TMEM132D: variants seen among roughly 807,000 people sequenced by gnomAD.
TMEM132D encodes the protein transmembrane protein 132D.
Under a neutral mutation model 62.3 loss-of-function variants are expected in TMEM132D, and 21 were observed. The ratio of observed to expected loss-of-function variants is 0.34; its 90% CI spans 0.24 to 0.49. The LOEUF is 0.49. Ranked by LOEUF, TMEM132D falls within the 20% of genes least tolerant of loss-of-function variation. The probability of loss-of-function intolerance (pLI) is 0.99; values close to 1 mark genes in which losing one functional copy is unlikely to be tolerated. For missense variants in TMEM132D, 1,346 were observed against 1,402.8 expected, an observed-to-expected ratio of 0.96 and a Z score of 0.65; for synonymous variants, 621 against 575.6, an observed-to-expected ratio of 1.08 and a Z score of -1.13.
At chr12:129,408,164 G>T (rs1871852969) in intron 3 of TMEM132D, among the ~76,000 whole-genome samples, 1 of 152,066 alleles carries the variant, frequency 6.6e-6, no homozygotes, top group African/African-American at 2.4e-5. Flanking sequence ...CACCAAACAG[G>T]AGTTTTTCTA....
At chr12:129,317,208 T>C (rs943570681) in intron 4 of TMEM132D, among the ~76,000 whole-genome samples, 10 of 152,234 alleles carry the variant, frequency 6.6e-5, no homozygotes, top group Non-Finnish European at 1.5e-4. Flanking sequence ...TGTTTTTGCT[T>C]TTTAACTTGT....
At chr12:129,140,214 CCA>C (rs58179230) in intron 5 of TMEM132D, among the ~76,000 whole-genome samples, 65 of 148,652 alleles carry the variant, frequency 4.4e-4, no homozygotes, top group Middle Eastern at 3.4e-3. Flanking sequence ...GGCGCTGTTA[CCA>C]CACACACACA....
Position 129,220,600 on chromosome 12 carries a change from T to C in TMEM132D, c.1300-10937A>G, listed in dbSNP as rs578024438. Among the ~76,000 whole-genome samples the C allele has an allele frequency of 3.2e-4, 48 of 152,308 alleles. 1 individual carries two copies. The South Asian group carries it at 9.5e-3, about 30-fold the overall frequency. Reference sequence around the variant, plus strand: ...ATGGCCTCGTGTTCTCCTGATGTTATAGTACAGAAACTCATGTTCTGCTAA... The same window carrying C: ...ATGGCCTCGTGTTCTCCTGATGTTACAGTACAGAAACTCATGTTCTGCTAA... On this transcript the variant is annotated intron_variant, in intron 4 of 8. Coordinates refer to ENST00000422113, the MANE Select transcript of TMEM132D (RefSeq NM_133448.3).
intron 2 of TMEM132D, among the ~76,000 whole-genome samples, chr12:129,633,360 A>G (rs895377088): frequency 6.6e-6 from 1 of 152,186 alleles, no homozygotes; most frequent in African/African-American, 2.4e-5. Context: ...TATAAATCCA[A>G]TGAGCTTAGT....
At chr12:129,196,000 G>A (rs1293506170) in intron 5 of TMEM132D, among the ~76,000 whole-genome samples, 3 of 152,078 alleles carry the variant, frequency 2.0e-5, no homozygotes, top group Non-Finnish European at 4.4e-5. Flanking sequence ...GGTGGCACAC[G>A]CCTGTAATCT....
At chr12:129,605,633 A>T (rs1323153839) in intron 2 of TMEM132D, among the ~76,000 whole-genome samples, 1 of 136,072 alleles carries the variant, frequency 7.3e-6, no homozygotes, top group African/African-American at 2.6e-5. Flanking sequence ...ACACACACAC[A>T]CACACACACA....
chr12:129,429,500 G>A (rs557487514), intron 3 of TMEM132D, among the ~76,000 whole-genome samples: 76 of 152,124 alleles, frequency 5.0e-4, no homozygotes, highest in African/African-American at 1.8e-3. Flanking sequence ...CAAGGAAACA[G>A]GAAAACTGGG....
chr12:129,078,760 T>G (rs778615834), intron 7 of TMEM132D, 35 bp from the exon 8 acceptor site: 1 of 1,603,186 alleles, frequency 6.2e-7, no homozygotes, highest in African/African-American at 1.3e-5. Flanking sequence ...AGGAAAGGCT[T>G]TCTGTGGTCC....
intron 3 of TMEM132D, among the ~76,000 whole-genome samples, chr12:129,425,023 G>A (rs112268509): frequency 4.6e-5 from 7 of 152,170 alleles, no homozygotes; most frequent in East Asian, 1.9e-4. Flanking sequence ...CTGGACATGC[G>A]GTCTCTGGTG....
rs1367559448 is a variant in TMEM132D at position 129,487,988 on chromosome 12, G to A, written c.1115+43071C>T. On this transcript the variant is annotated intron_variant, in intron 3 of 8. Coordinates refer to ENST00000422113, the MANE Select transcript of TMEM132D (RefSeq NM_133448.3). ...AGAGTGAATCTGGCCTAATCAAGGA[G>A]GCTTTAGGGAGAACTTTAGGGAGAA... Among the ~76,000 whole-genome samples, 14 of 150,682 alleles carry A rather than the reference G, an allele frequency of 9.3e-5. No individual in the cohort carries two copies. In the East Asian group the frequency reaches 2.7e-3, roughly 29 times the overall value.
At chr12:129,772,104 CT>C (rs146404113) in intron 1 of TMEM132D, among the ~76,000 whole-genome samples, 1 of 151,648 alleles carries the variant, frequency 6.6e-6, no homozygotes, top group Non-Finnish European at 1.5e-5. Flanking sequence ...TGGAAGAAGC[CT>C]TTTTAAAAAA....
chr12:129,477,871 G>GAGAGAGAGAGAC (rs1874317100), intron 3 of TMEM132D, among the ~76,000 whole-genome samples: 1 of 150,762 alleles, frequency 6.6e-6, no homozygotes. Context: ...TATACAGAGA[G>GAGAGAGAGAGAC]AGAGAGAGAG....
chr12:129,548,713 A>AG (rs10710904), intron 2 of TMEM132D, among the ~76,000 whole-genome samples: 4 of 151,980 alleles, frequency 2.6e-5, no homozygotes, highest in Non-Finnish European at 4.4e-5. Flanking sequence ...CCTAACATCA[A>AG]GGGGGGGTGA....
At chr12:129,121,245 A>G (rs1876050286) in intron 5 of TMEM132D, among the ~76,000 whole-genome samples, 1 of 152,016 alleles carries the variant, frequency 6.6e-6, no homozygotes. Flanking sequence ...ACAGGTGTGC[A>G]CCACCATGCC....
intron 2 of TMEM132D, among the ~76,000 whole-genome samples, chr12:129,662,708 G>A (rs771168593): frequency 2.7e-5 from 4 of 146,990 alleles, no homozygotes; most frequent in Non-Finnish European, 4.4e-5. Flanking sequence ...CAGGAGAATC[G>A]CTTGAACCTG....
intron 4 of TMEM132D, among the ~76,000 whole-genome samples, chr12:129,327,897 G>A (rs2135648535): frequency 1.3e-5 from 2 of 152,290 alleles, no homozygotes; most frequent in Middle Eastern, 3.4e-3. Flanking sequence ...CATGCCTGAT[G>A]GGGTCTCTAG....
rs76173740 is a variant in TMEM132D, at chr12:129,546,784, G to A, written c.969-15579C>T. On this transcript the variant is annotated intron_variant, in intron 2 of 8. Transcript: ENST00000422113. Reference sequence around the variant, plus strand: ...CCACCGTACTCCAGCCTGGGCAACAGAGCGATACTCCGTCTCAAAAAAAAA... The same window carrying A: ...CCACCGTACTCCAGCCTGGGCAACAAAGCGATACTCCGTCTCAAAAAAAAA... Among the ~76,000 whole-genome samples the A allele has an allele frequency of 6.3e-3, 958 of 151,246 alleles. 65 individuals carry two copies. The East Asian group carries it at 0.16, about 25-fold the overall frequency.
At chr12:129,164,043 T>C (rs924454157) in intron 5 of TMEM132D, among the ~76,000 whole-genome samples, 1 of 152,210 alleles carries the variant, frequency 6.6e-6, no homozygotes, top group Non-Finnish European at 1.5e-5. Flanking sequence ...CCAAATACTG[T>C]GCATGACTTT....
intron 3 of TMEM132D, among the ~76,000 whole-genome samples, chr12:129,471,357 A>T (rs1873727): frequency 3.3e-5 from 5 of 151,838 alleles, no homozygotes; most frequent in Non-Finnish European, 7.4e-5. Flanking sequence ...TTATTATTAC[A>T]GTATCTGTAT....
Sources: gnomAD v4.1 joint callset for allele counts (sites outside exome capture counted in the v4.1 genomes callset) on GRCh38, gnomAD v4.1.1 for gene constraint, MANE v1.5 for transcripts, NCBI Gene and HGNC (gene_info 2026-07-23, HGNC 2026-07-21) for gene names.